The following TRABD2B variants were observed in gnomAD, a reference collection of about 807,000 sequenced individuals.
TRABD2B encodes the protein metalloprotease TIKI2.
TRABD2B carries 14 observed loss-of-function variants against 40.1 expected under a neutral mutation model. The observed-to-expected ratio is 0.35, with a 90% CI of 0.23 to 0.55. The LOEUF (loss-of-function observed/expected upper bound fraction) is 0.55, where lower values mean the gene tolerates loss of function less well. Ranked by LOEUF, TRABD2B falls within the 20% of genes least tolerant of loss-of-function variation. The pLI is 0.90. For missense variants in TRABD2B, 541 were observed against 648.6 expected, an observed-to-expected ratio of 0.83 and a Z score of 1.80; for synonymous variants, 263 against 277.0, an observed-to-expected ratio of 0.95 and a Z score of 0.50.
chr1:47,917,491 T>A (rs1570282649), intron 2 of TRABD2B, among the ~76,000 whole-genome samples: 1 of 151,320 alleles, frequency 6.6e-6, no homozygotes, highest in Non-Finnish European at 1.5e-5. Context: ...GAGGCCAAGG[T>A]GGGAGGATTG....
chr1:47,776,503 C>T (rs1344404969), intron 5 of TRABD2B, among the ~76,000 whole-genome samples: 6 of 152,184 alleles, frequency 3.9e-5, no homozygotes, highest in Admixed American at 1.3e-4. Context: ...GTCAGGCAGG[C>T]GCTAAAGTGT....
At chr1:47,867,893 G>A (rs903834535) in intron 2 of TRABD2B, among the ~76,000 whole-genome samples, 1 of 152,168 alleles carries the variant, frequency 6.6e-6, no homozygotes, top group Admixed American at 6.5e-5. Context: ...CATTGAAATC[G>A]ATGCTTTATC....
chr1:47,997,082 C>A lies in TRABD2B; in HGVS notation c.-293G>T. ...GGGCGTGTTGGGGTCCGGGGGCGCG[C>A]GGGGTCCCGGAGCTGCGTCGCGGTC... On this transcript the variant is annotated 5_prime_UTR_variant, in exon 1 of 7. Coordinates refer to ENST00000606738, the MANE Select transcript of TRABD2B (RefSeq NM_001194986.2). The A allele has an allele frequency of 3.0e-6, 3 of 983,998 alleles. No homozygotes were observed. Among genetic ancestry groups the A allele is most frequent in the Non-Finnish European group, 3.6e-6 (3 of 829,198 alleles). The allele number at this position is 983,998 out of a possible 1,614,324, so 61.0% of individuals were successfully genotyped here. A position where few individuals can be genotyped will look rare whatever the true frequency, so the allele number is the denominator to read the frequency against.
At chr1:47,797,010 T>C (rs898741958) in intron 3 of TRABD2B, among the ~76,000 whole-genome samples, 2 of 152,232 alleles carry the variant, frequency 1.3e-5, no homozygotes, top group Admixed American at 6.5e-5. Context: ...AATATTTGTC[T>C]AATCAGTGAA....
rs148546704 is a variant in TRABD2B, at chr1:47,873,832, G to A, written c.667-72213C>T. 1.4e-3 allele frequency among the ~76,000 whole-genome samples: 219 copies of A among 152,268 alleles called. 1 individual carries two copies. Among genetic ancestry groups the A allele is most frequent in the African/African-American group, 5.1e-3 (211 of 41,550 alleles). Reference sequence around the variant, plus strand: ...ATTAATACAAAGGACTAAACACCAAGAGTCGGTTTGGGAGTCATTCTGACA... The same window carrying A: ...ATTAATACAAAGGACTAAACACCAAAAGTCGGTTTGGGAGTCATTCTGACA... On this transcript the variant is annotated intron_variant, in intron 2 of 6. Transcript: ENST00000606738.
At chr1:47,982,748 T>C (rs1245340798) in intron 2 of TRABD2B, among the ~76,000 whole-genome samples, 3 of 152,258 alleles carry the variant, frequency 2.0e-5, no homozygotes, top group East Asian at 3.9e-4. Flanking sequence ...GAAAGGCTTG[T>C]TCTGCATTCC....
intron 2 of TRABD2B, among the ~76,000 whole-genome samples, chr1:47,859,832 A>C (rs1310691475): frequency 6.6e-6 from 1 of 152,210 alleles, no homozygotes; most frequent in East Asian, 1.9e-4. Flanking sequence ...TATTTTGTAT[A>C]ATAATGATCA....
intron 6 of TRABD2B, among the ~76,000 whole-genome samples, chr1:47,772,128 G>A (rs1164364838): frequency 6.6e-6 from 1 of 152,084 alleles, no homozygotes; most frequent in South Asian, 2.1e-4. Context: ...TGATGACAGC[G>A]ACCCTTAGGG....
In TRABD2B at chr1:47,762,519, G is replaced by C. The variant is rs917970005; in HGVS notation, c.*3383C>G. 3 of 152,168 alleles carry C rather than the reference G, an allele frequency of 2.0e-5. No individual in the cohort carries two copies. Among genetic ancestry groups the C allele is most frequent in the African/African-American group, 7.2e-5 (3 of 41,432 alleles). 9.4% of individuals were successfully genotyped at this position (152,168 alleles called of 1,614,324 possible). A position where few individuals can be genotyped will look rare whatever the true frequency, so the allele number is the denominator to read the frequency against. On this transcript the variant is annotated 3_prime_UTR_variant, in exon 7 of 7. Coordinates refer to ENST00000606738, the MANE Select transcript of TRABD2B (RefSeq NM_001194986.2). ...CCCTGGGCTGGAGATTAGGCAAGTGGGACAAGGGGCCTGAGCACCTAGGCT... is the reference window on the plus strand; with the variant it reads ...CCCTGGGCTGGAGATTAGGCAAGTGCGACAAGGGGCCTGAGCACCTAGGCT...
intron 2 of TRABD2B, among the ~76,000 whole-genome samples, chr1:47,843,536 C>T (rs1346146284): frequency 6.6e-6 from 1 of 152,126 alleles, no homozygotes; most frequent in Non-Finnish European, 1.5e-5. Flanking sequence ...GCCTGCTGAA[C>T]AACCAGACGG....
intron 2 of TRABD2B, among the ~76,000 whole-genome samples, chr1:47,914,599 T>C (rs1290131435): frequency 6.6e-6 from 1 of 152,106 alleles, no homozygotes; most frequent in African/African-American, 2.4e-5. Flanking sequence ...ACACAAGGAG[T>C]GGCTTCCAAT....
intron 2 of TRABD2B, among the ~76,000 whole-genome samples, chr1:47,936,862 T>C (rs1557667085): frequency 1.3e-5 from 2 of 151,526 alleles, no homozygotes; most frequent in East Asian, 2.0e-4. Context: ...ATCATCATCA[T>C]CACCACCACC....
Position 47,794,731 on chromosome 1 carries a change from C to T in TRABD2B, c.843G>A (p.Pro281=), listed in dbSNP as rs753954746. The change falls in exon 4 of 7, where the codon CCG becomes CCA. Residue 281 remains proline (P), a synonymous_variant. Coordinates refer to ENST00000606738, the MANE Select transcript of TRABD2B (RefSeq NM_001194986.2). ...QLPNFINTTL[P]PHEQVTAQEI... ...CCTGGGCCGTCACCTGCTCGTGTGG[C>T]GGGAGGGTGGTGTTGATAAAGTTGG... The T allele has an allele frequency of 1.3e-5, 19 of 1,506,006 alleles. No individual in the cohort carries two copies. In the Admixed American group the frequency reaches 1.8e-4, roughly 14 times the overall value. The allele number at this position is 1,506,006 out of a possible 1,614,324, so 93.3% of individuals were successfully genotyped here. A position where few individuals can be genotyped will look rare whatever the true frequency, so the allele number is the denominator to read the frequency against.
intron 3 of TRABD2B, among the ~76,000 whole-genome samples, chr1:47,796,856 T>C (rs1005491920): frequency 3.3e-5 from 5 of 152,176 alleles, no homozygotes; most frequent in Non-Finnish European, 7.3e-5. Context: ...GATGCAGCTA[T>C]GGGAACACTG....
At chr1:47,887,180 C>T (rs1295429682) in intron 2 of TRABD2B, among the ~76,000 whole-genome samples, 4 of 152,092 alleles carry the variant, frequency 2.6e-5, no homozygotes, top group African/African-American at 9.7e-5. Flanking sequence ...TAACACAATC[C>T]GCTCAACAAT....
chr1:47,829,736 C>T (rs748387533), intron 2 of TRABD2B, among the ~76,000 whole-genome samples: 1 of 152,178 alleles, frequency 6.6e-6, no homozygotes, highest in Non-Finnish European at 1.5e-5. Context: ...CAATGACTTC[C>T]CGTGAATAAA....
chr1:47,953,400 G>A (rs1645374380), intron 2 of TRABD2B, among the ~76,000 whole-genome samples: 1 of 152,198 alleles, frequency 6.6e-6, no homozygotes, highest in Non-Finnish European at 1.5e-5. Context: ...CCAAGACACA[G>A]TTTTGCCCTA....
intron 3 of TRABD2B, among the ~76,000 whole-genome samples, chr1:47,798,527 C>T (rs952460226): frequency 1.3e-5 from 2 of 152,186 alleles, no homozygotes; most frequent in Non-Finnish European, 2.9e-5. Context: ...AGCCAGGATG[C>T]AGGCCAAGGA....
intron 2 of TRABD2B, among the ~76,000 whole-genome samples, chr1:47,881,480 T>A (rs1227069898): frequency 1.3e-5 from 2 of 152,208 alleles, no homozygotes; most frequent in Non-Finnish European, 2.9e-5. Context: ...TTTATCCTCA[T>A]AATGACACCA....
Sources: gnomAD v4.1 joint callset for allele counts (sites outside exome capture counted in the v4.1 genomes callset) on GRCh38, gnomAD v4.1.1 for gene constraint, MANE v1.5 for transcripts, NCBI Gene and HGNC (gene_info 2026-07-23, HGNC 2026-07-21) for gene names.